MTCL1: variants seen among roughly 807,000 people sequenced by gnomAD.
MTCL1 encodes microtubule crosslinking factor 1.
In MTCL1, 79 loss-of-function variants were observed where a neutral mutation model predicts 141.4. That is an observed-to-expected ratio of 0.56 (90% CI 0.47 to 0.67). MTCL1 has a LOEUF of 0.67. Ranked by LOEUF, MTCL1 falls within the 30% of genes least tolerant of loss-of-function variation. MTCL1 has a pLI of 0.00. For synonymous variants in MTCL1, 914 were observed against 875.8 expected, an observed-to-expected ratio of 1.04 and a Z score of -0.77; for missense variants, 2,177 against 2,113.9, an observed-to-expected ratio of 1.03 and a Z score of -0.59.
chr18:8,752,622 A>G (rs1254801140), intron 4 of MTCL1, among the ~76,000 whole-genome samples: 1 of 152,220 alleles, frequency 6.6e-6, no homozygotes, highest in South Asian at 2.1e-4. Context: ...GGGGGTAACT[A>G]TTTAAAAATC....
chr18:8,749,129 G>A (rs377478424), intron 4 of MTCL1, among the ~76,000 whole-genome samples: 2 of 152,232 alleles, frequency 1.3e-5, no homozygotes, highest in African/African-American at 2.4e-5. Flanking sequence ...CGATCAGCCA[G>A]CAGCATTTTC....
At chr18:8,784,722 G>C (rs754854278) in exon 6 of MTCL1, 2 of 1,614,074 alleles carry the variant, frequency 1.2e-6, no homozygotes, top group Non-Finnish European at 1.7e-6. Flanking sequence ...AACCGCATTG[G>C]GGATGGCCTA....
intron 16 of MTCL1, chr18:8,831,098 A>G: frequency 1.0e-6 from 1 of 986,962 alleles, no homozygotes; most frequent in Non-Finnish European, 1.2e-6. Flanking sequence ...AATAAACAGT[A>G]GCAGAGTTCG....
chr18:8,825,877 T>A, exon 15 of MTCL1: 1 of 1,614,038 alleles, frequency 6.2e-7, no homozygotes, highest in Admixed American at 1.7e-5. Flanking sequence ...AGCCCCGTGG[T>A]GCAGGACCCC....
At chr18:8,754,917 C>G (rs1214887956) in intron 4 of MTCL1, among the ~76,000 whole-genome samples, 1 of 152,246 alleles carries the variant, frequency 6.6e-6, no homozygotes, top group African/African-American at 2.4e-5. Context: ...TGCCCTGACT[C>G]CCTGGTCCTT....
intron 4 of MTCL1, among the ~76,000 whole-genome samples, chr18:8,776,951 G>T (rs964908372): frequency 3.3e-5 from 5 of 152,018 alleles, no homozygotes; most frequent in Non-Finnish European, 7.4e-5. Flanking sequence ...TATTTTTTGT[G>T]TGGCTGGGCG....
At chr18:8,776,244 C>T (rs886131100) in intron 4 of MTCL1, among the ~76,000 whole-genome samples, 4 of 152,154 alleles carry the variant, frequency 2.6e-5, no homozygotes, top group African/African-American at 7.2e-5. Context: ...GGTCTGGGGC[C>T]GGCAGAGCTC....
Position 8,792,893 on chromosome 18 carries a change from G to A in MTCL1, c.1888-105G>A, listed in dbSNP as rs934527572. 1.8e-5 allele frequency: 27 copies of A among 1,482,014 alleles called. No individual in the cohort carries two copies. The Admixed American group carries it at 3.0e-4, about 16-fold the overall frequency. The allele number at this position is 1,482,014 out of a possible 1,614,324, so 91.8% of individuals were successfully genotyped here. A position where few individuals can be genotyped will look rare whatever the true frequency, so the allele number is the denominator to read the frequency against. On this transcript the variant is annotated intron_variant, in intron 7 of 16. Coordinates refer to ENST00000359865, the Ensembl canonical transcript of MTCL1. ...CTGCTGCAGTGCCCACACATGCTGT[G>A]TCGCTCCGTGTGCGTCCCCAGCTTG...
intron 7 of MTCL1, among the ~76,000 whole-genome samples, chr18:8,791,627 A>G (rs1331457922): frequency 6.6e-6 from 1 of 152,124 alleles, no homozygotes; most frequent in Non-Finnish European, 1.5e-5. Flanking sequence ...GGAGAAGAGT[A>G]TGTCACCATC....
At chr18:8,791,221 G>GGAAGGGA (rs2075714293) in intron 7 of MTCL1, among the ~76,000 whole-genome samples, 1 of 152,130 alleles carries the variant, frequency 6.6e-6, no homozygotes, top group South Asian at 2.1e-4. Context: ...CTGGCCCCAG[G>GGAAGGGA]GCAGGGAGCA....
chr18:8,826,289 G>C, intron 15 of MTCL1, 57 bp downstream of exon 14: 2 of 1,422,878 alleles, frequency 1.4e-6, no homozygotes, highest in Non-Finnish European at 1.9e-6. Flanking sequence ...TTTAGCTGTG[G>C]GGCAGGTTGG....
intron 4 of MTCL1, among the ~76,000 whole-genome samples, chr18:8,742,650 G>A (rs2096311097): frequency 6.6e-6 from 1 of 152,180 alleles, no homozygotes; most frequent in African/African-American, 2.4e-5. Flanking sequence ...AATTCAAGGT[G>A]AGGTTTGGGT....
At chr18:8,710,381 T>A (rs1230364292) in intron 1 of MTCL1, among the ~76,000 whole-genome samples, 1 of 152,068 alleles carries the variant, frequency 6.6e-6, no homozygotes, top group Non-Finnish European at 1.5e-5. Context: ...TCAAATACAT[T>A]TGGAAGTATT....
At chr18:8,717,207 A>C (rs2096134301), upstream of MTCL1, among the ~76,000 whole-genome samples, 1 of 152,182 alleles carries the variant, frequency 6.6e-6, no homozygotes, top group South Asian at 2.1e-4. Context: ...GGTGACAGAC[A>C]GTAAGTAGGA....
At chr18:8,748,464 G>A (rs1170354483) in intron 4 of MTCL1, among the ~76,000 whole-genome samples, 1 of 152,074 alleles carries the variant, frequency 6.6e-6, no homozygotes, top group Non-Finnish European at 1.5e-5. Flanking sequence ...GATCGTTTGA[G>A]CGCGGGAGAT....
At chr18:8,732,145 A>G (rs2096253840) in intron 4 of MTCL1, among the ~76,000 whole-genome samples, 2 of 151,966 alleles carry the variant, frequency 1.3e-5, no homozygotes, top group Admixed American at 1.3e-4. Flanking sequence ...TCTGTTGCCC[A>G]GGGATCATGG....
chr18:8,783,220 C>T (rs922095962), intron 5 of MTCL1, among the ~76,000 whole-genome samples: 1 of 151,810 alleles, frequency 6.6e-6, no homozygotes, highest in African/African-American at 2.4e-5. Context: ...TTCGTTTTCC[C>T]TTCTTTGCCC....
chr18:8,727,165 G>T (rs986266673), intron 4 of MTCL1, among the ~76,000 whole-genome samples: 14 of 152,044 alleles, frequency 9.2e-5, no homozygotes, highest in African/African-American at 2.9e-4. Context: ...GTATTCCATG[G>T]TGTATATATA....
chr18:8,789,253 A>G (rs979276906), intron 7 of MTCL1, among the ~76,000 whole-genome samples: 2 of 152,224 alleles, frequency 1.3e-5, no homozygotes, highest in Non-Finnish European at 1.5e-5. Flanking sequence ...GTGGGGTTTT[A>G]TGCCAAGTAT....
Sources: allele counts gnomAD v4.1 joint callset (sites outside exome capture counted in the v4.1 genomes callset), GRCh38; gene constraint gnomAD v4.1.1; transcripts MANE v1.5; gene names NCBI Gene and HGNC (gene_info 2026-07-23, HGNC 2026-07-21).